The following HDAC9 variants were observed in gnomAD, a reference collection of about 807,000 sequenced individuals.
The protein encoded by HDAC9 is histone deacetylase 9, also known as MEF-2 interacting transcription repressor (MITR) protein.
In HDAC9, 41 loss-of-function variants were observed where a neutral mutation model predicts 139.4. The observed-to-expected ratio is 0.29, with a 90% CI of 0.23 to 0.38. HDAC9 has a LOEUF of 0.38. Ranked by LOEUF, HDAC9 falls within the 10% of genes least tolerant of loss-of-function variation. The pLI, the probability that HDAC9 is intolerant of heterozygous loss-of-function variation, is 1.00. For synonymous variants in HDAC9, 517 were observed against 476.2 expected (o/e 1.09, Z -1.12); for missense variants, 1,147 against 1,297.0 (o/e 0.88, Z 1.78).
At chr7:18,286,276 T>TA (rs1797446764), upstream of HDAC9, among the ~76,000 whole-genome samples, 1 of 151,856 alleles carries the variant, frequency 6.6e-6, no homozygotes, top group Non-Finnish European at 1.5e-5. Flanking sequence ...CTAAAAATTG[T>TA]ATCATCATTA....
chr7:18,394,953 C>T (rs1179180364), intron 1 of HDAC9, among the ~76,000 whole-genome samples: 1 of 152,016 alleles, frequency 6.6e-6, no homozygotes, highest in African/African-American at 2.4e-5. Flanking sequence ...ACAAAACTTC[C>T]ACTGAGTTAA....
intron 1 of HDAC9, among the ~76,000 whole-genome samples, chr7:18,356,543 T>C (rs1783321453): frequency 6.6e-6 from 1 of 151,964 alleles, no homozygotes; most frequent in Non-Finnish European, 1.5e-5. Flanking sequence ...GTTGCTCCCT[T>C]TCACCTCTGG....
Position 18,826,501 on chromosome 7 carries a change from G to C in HDAC9, c.2323-2660G>C, listed in dbSNP as rs139846949. Among the ~76,000 whole-genome samples the C allele has an allele frequency of 7.4e-4, 113 of 152,300 alleles. 1 individual carries two copies. Among genetic ancestry groups the C allele is most frequent in the African/African-American group, 2.6e-3 (110 of 41,570 alleles). ...AAAAGTTTGTTGATTTTGGCGAGAAGAAGATCATTTTCAACCTAAGATTAA... is the reference window on the plus strand; with the variant it reads ...AAAAGTTTGTTGATTTTGGCGAGAACAAGATCATTTTCAACCTAAGATTAA... On this transcript the variant is annotated intron_variant, in intron 17 of 25. Coordinates refer to ENST00000686413, the MANE Select transcript of HDAC9 (RefSeq NM_178425.4).
At chr7:18,904,332 C>G (rs943922294) in intron 22 of HDAC9, among the ~76,000 whole-genome samples, 3 of 152,094 alleles carry the variant, frequency 2.0e-5, no homozygotes, top group Non-Finnish European at 4.4e-5. Flanking sequence ...AAAGAATTCA[C>G]AGATTATCTA....
At chr7:18,756,846 G>A (rs1377664951) in intron 14 of HDAC9, among the ~76,000 whole-genome samples, 2 of 151,558 alleles carry the variant, frequency 1.3e-5, no homozygotes, top group African/African-American at 4.8e-5. Flanking sequence ...CTGCCTGCTT[G>A]ATTGCCTCCT....
At chr7:18,383,135 C>T (rs1489453293) in intron 1 of HDAC9, among the ~76,000 whole-genome samples, 2 of 152,012 alleles carry the variant, frequency 1.3e-5, no homozygotes, top group African/African-American at 4.8e-5. Flanking sequence ...ATTAAAGAAC[C>T]ACCATACATA....
At chr7:18,516,863 A>G (rs1312184592) in intron 2 of HDAC9, among the ~76,000 whole-genome samples, 5 of 124,590 alleles carry the variant, frequency 4.0e-5, no homozygotes, top group African/African-American at 9.8e-5. Flanking sequence ...TCCATTTCAG[A>G]AAAAAAAAAA....
intron 17 of HDAC9, among the ~76,000 whole-genome samples, chr7:18,825,109 A>G (rs1333324306): frequency 2.0e-5 from 3 of 152,188 alleles, no homozygotes; most frequent in African/African-American, 7.2e-5. Flanking sequence ...TGACTTTGAT[A>G]TATCCAAGTG....
At chr7:18,238,285 C>T (rs1793957758) in intron 2 of HDAC9, among the ~76,000 whole-genome samples, 1 of 152,172 alleles carries the variant, frequency 6.6e-6, no homozygotes, top group Non-Finnish European at 1.5e-5. Flanking sequence ...GGACAGTTGG[C>T]TTTCTCTCTA....
At chr7:18,366,561 T>G (rs1784196693) in intron 1 of HDAC9, among the ~76,000 whole-genome samples, 1 of 152,080 alleles carries the variant, frequency 6.6e-6, no homozygotes, top group African/African-American at 2.4e-5. Context: ...GGATACACTA[T>G]AAAAGAGCAC....
chr7:18,750,000 C>G (rs908168997), intron 14 of HDAC9, among the ~76,000 whole-genome samples: 1 of 152,124 alleles, frequency 6.6e-6, no homozygotes, highest in South Asian at 2.1e-4. Context: ...TTTCACAAGA[C>G]AAATATGGTC....
intron 25 of HDAC9, among the ~76,000 whole-genome samples, chr7:18,993,320 AG>A (rs1287855590): frequency 6.6e-6 from 1 of 152,212 alleles, no homozygotes; most frequent in African/African-American, 2.4e-5. Context: ...CATAACCGTG[AG>A]GGCAAGTAAG....
chr7:18,970,223 A>T (rs1046564619), intron 24 of HDAC9, among the ~76,000 whole-genome samples: 16 of 152,202 alleles, frequency 1.1e-4, no homozygotes, highest in Non-Finnish European at 1.5e-5. Context: ...TGTATCAGTG[A>T]GTGATAGAGC....
intron 1 of HDAC9, among the ~76,000 whole-genome samples, chr7:18,487,531 T>C (rs1350356281): frequency 6.6e-6 from 1 of 152,034 alleles, no homozygotes; most frequent in African/African-American, 2.4e-5. Flanking sequence ...GTAGAGAAGA[T>C]TCCATAACCA....
chr7:18,347,811 A>G (rs1782538746), intron 1 of HDAC9, among the ~76,000 whole-genome samples: 1 of 151,974 alleles, frequency 6.6e-6, no homozygotes, highest in African/African-American at 2.4e-5. Context: ...TCCTGACCTC[A>G]GATGATCCAC....
chr7:18,987,627 G>A (rs916652175), intron 25 of HDAC9, among the ~76,000 whole-genome samples: 1 of 152,158 alleles, frequency 6.6e-6, no homozygotes, highest in African/African-American at 2.4e-5. Flanking sequence ...GATTGGCATA[G>A]TTTCAGAAGG....
intron 2 of HDAC9, among the ~76,000 whole-genome samples, chr7:18,564,392 G>T (rs1227032824): frequency 6.6e-6 from 1 of 151,896 alleles, no homozygotes; most frequent in Admixed American, 6.6e-5. Context: ...CCTTTTTTTG[G>T]GGCTTGCTTA....
chr7:18,363,309 C>T (rs1361308782), intron 1 of HDAC9, among the ~76,000 whole-genome samples: 1 of 152,022 alleles, frequency 6.6e-6, no homozygotes, highest in Non-Finnish European at 1.5e-5. Flanking sequence ...ATCTTAGATA[C>T]TTCTAAAGCT....
At chr7:18,621,129 A>T (rs1393321016) in intron 6 of HDAC9, among the ~76,000 whole-genome samples, 2 of 152,118 alleles carry the variant, frequency 1.3e-5, no homozygotes, top group Non-Finnish European at 2.9e-5. Context: ...TGCTTGGGGA[A>T]AAACATAATA....
Sources: gnomAD v4.1 joint callset for allele counts (sites outside exome capture counted in the v4.1 genomes callset) on GRCh38, gnomAD v4.1.1 for gene constraint, MANE v1.5 for transcripts, NCBI Gene and HGNC (gene_info 2026-07-23, HGNC 2026-07-21) for gene names.